Variants in NEK7 observed in about 807,000 individuals in gnomAD.
NEK7 encodes the protein NIMA related kinase 7, also known as serine/threonine-protein kinase Nek7.
In NEK7, 18 loss-of-function variants were observed where a neutral mutation model predicts 44.6. That is an observed-to-expected ratio of 0.40 (90% CI 0.28 to 0.60). The LOEUF (loss-of-function observed/expected upper bound fraction) is 0.60, where lower values mean the gene tolerates loss of function less well. Among genes scored for constraint, NEK7 ranks in the 20% least tolerant of loss-of-function variants. The probability of loss-of-function intolerance (pLI) is 0.38; values close to 1 mark genes in which losing one functional copy is unlikely to be tolerated. For missense variants in NEK7, 256 were observed against 366.5 expected (o/e 0.70, Z 2.46); for synonymous variants, 130 against 121.1 (o/e 1.07, Z -0.48).
At chr1:198,195,626 G>C (rs1378028615) in intron 1 of NEK7, among the ~76,000 whole-genome samples, 2 of 152,146 alleles carry the variant, frequency 1.3e-5, no homozygotes, top group Non-Finnish European at 2.9e-5. Flanking sequence ...TTCGAGACCA[G>C]CCTGGCCAAC....
chr1:198,218,814 C>G (rs1270691451), intron 1 of NEK7, among the ~76,000 whole-genome samples: 1 of 150,966 alleles, frequency 6.6e-6, no homozygotes, highest in South Asian at 2.1e-4. Flanking sequence ...AAATGCTCAA[C>G]ATCACTTATC....
rs768332299 is a variant in NEK7 at position 198,253,190 on chromosome 1, C to T, written c.198+10C>T. On this transcript the variant is annotated intron_variant, in intron 3 of 9. Coordinates refer to ENST00000367385, the MANE Select transcript of NEK7 (RefSeq NM_133494.3). ...TTTAAAAAAAGTGCAGGTAAGATGA[C>T]TTTAATTATATAAATCAATGTAAAA... is the stretch of plus-strand genomic sequence containing the variant. 3 of 1,557,964 alleles carry T rather than the reference C, an allele frequency of 1.9e-6. No homozygotes were observed. The highest frequency in any genetic ancestry group is 2.3e-5 in the South Asian group (2 of 86,738).
chr1:198,195,314 T>C (rs1007091900), intron 1 of NEK7, among the ~76,000 whole-genome samples: 2 of 152,168 alleles, frequency 1.3e-5, no homozygotes, highest in African/African-American at 2.4e-5. Context: ...TTTAAATGCA[T>C]TTGTGGAATC....
At chr1:198,179,815 A>G (rs201511442) in intron 1 of NEK7, among the ~76,000 whole-genome samples, 2 of 128,454 alleles carry the variant, frequency 1.6e-5, no homozygotes, top group Admixed American at 7.8e-5. Context: ...GTGTGTGTGT[A>G]TGTATGTGTG....
intron 9 of NEK7, among the ~76,000 whole-genome samples, chr1:198,300,407 C>T (rs1457995960): frequency 6.6e-6 from 1 of 152,218 alleles, no homozygotes; most frequent in Non-Finnish European, 1.5e-5. Flanking sequence ...CATAAATTTT[C>T]ATGCTTTTAT....
intron 2 of NEK7, 61 bp from the exon 3 acceptor site, chr1:198,252,979 G>T (rs1487637271): frequency 1.5e-6 from 2 of 1,372,588 alleles, no homozygotes; most frequent in Non-Finnish European, 2.0e-6. Context: ...AATGATCAGT[G>T]ATTGTGTGTA....
chr1:198,167,847 C>T (rs72749481), intron 1 of NEK7, among the ~76,000 whole-genome samples: 7,029 of 152,252 alleles, frequency 0.046, 258 homozygotes, highest in Middle Eastern at 0.071. Flanking sequence ...GTTCCTTTTT[C>T]CATGACTGTC....
chr1:198,250,360 C>A (rs1413429355), intron 2 of NEK7, among the ~76,000 whole-genome samples: 2 of 151,870 alleles, frequency 1.3e-5, no homozygotes, highest in African/African-American at 4.8e-5. Flanking sequence ...CTTGGCGATG[C>A]GGGCTCTTTT....
rs200866522 is a variant in NEK7 at position 198,280,603 on chromosome 1, T to TA, written c.589+1542_589+1543insA. 6.5e-3 allele frequency among the ~76,000 whole-genome samples: 990 copies of TA among 152,032 alleles called. 15 individuals carry two copies. Among genetic ancestry groups the TA allele is most frequent in the African/African-American group, 0.023 (964 of 41,510 alleles). ...ACATATATGCATCTCCAAATTGAGGTGATATGCTAGTAGAAATTATAGAGT... is the reference window on the plus strand; with the variant it reads ...ACATATATGCATCTCCAAATTGAGGTAGATATGCTAGTAGAAATTATAGAGT... On this transcript the variant is annotated intron_variant, in intron 7 of 9. Coordinates refer to ENST00000367385, the MANE Select transcript of NEK7 (RefSeq NM_133494.3).
intron 1 of NEK7, among the ~76,000 whole-genome samples, chr1:198,193,528 A>G (rs1665138784): frequency 6.6e-6 from 1 of 152,222 alleles, no homozygotes; most frequent in Admixed American, 6.5e-5. Context: ...TCAGGCCAAT[A>G]TGCCCGATGA....
chr1:198,295,980 A>G (rs1032597847), intron 8 of NEK7, among the ~76,000 whole-genome samples: 2 of 152,200 alleles, frequency 1.3e-5, no homozygotes, highest in African/African-American at 2.4e-5. Context: ...TATGTAAAAC[A>G]TAGGCAAGAT....
intron 1 of NEK7, among the ~76,000 whole-genome samples, chr1:198,176,031 A>T (rs1206591512): frequency 6.6e-6 from 1 of 152,138 alleles, no homozygotes; most frequent in Admixed American, 6.5e-5. Flanking sequence ...CACAGGGCGG[A>T]TATGTTGTCT....
In NEK7 at chr1:198,272,600, G is replaced by A. The variant is rs1023301991; in HGVS notation, c.373-5361G>A. ...TCTTTGTGACCTTCTATTTCTCCTC[G>A]AAGACTGACTGACTGTTCTTTTTAA... On this transcript the variant is annotated intron_variant, in intron 5 of 9. Transcript: ENST00000367385. Among the ~76,000 whole-genome samples the A allele has an allele frequency of 3.3e-5, 5 of 151,780 alleles. No individual in the cohort carries two copies. In the East Asian group the frequency reaches 5.8e-4, roughly 18 times the overall value.
chr1:198,192,150 A>G (rs1289298244), intron 1 of NEK7, among the ~76,000 whole-genome samples: 8 of 151,694 alleles, frequency 5.3e-5, no homozygotes, highest in Non-Finnish European at 1.5e-5. Context: ...TGTTTGTTTT[A>G]TCTTATGTTT....
At chr1:198,180,560 T>C (rs549205992) in intron 1 of NEK7, among the ~76,000 whole-genome samples, 190 of 152,210 alleles carry the variant, frequency 1.2e-3, no homozygotes, top group African/African-American at 4.5e-3. Context: ...TAATTTTTGT[T>C]GTTGTTATTT....
intron 1 of NEK7, among the ~76,000 whole-genome samples, chr1:198,157,745 G>A (rs1209201239): frequency 1.3e-5 from 2 of 152,198 alleles, no homozygotes; most frequent in Non-Finnish European, 2.9e-5. Context: ...GGGAGAGAGT[G>A]GGTGGTGGGA....
chr1:198,271,902 ATT>A (rs761936296), intron 5 of NEK7, among the ~76,000 whole-genome samples: 6 of 121,142 alleles, frequency 5.0e-5, no homozygotes, highest in African/African-American at 1.7e-4. Context: ...AAAAATTTAT[ATT>A]TTATATATAT....
intron 7 of NEK7, among the ~76,000 whole-genome samples, chr1:198,282,768 C>A (rs1654246039): frequency 6.6e-6 from 1 of 152,086 alleles, no homozygotes; most frequent in South Asian, 2.1e-4. Flanking sequence ...TTTATTTATT[C>A]TGCCTGAACT....
chr1:198,252,564 AT>A (rs1558079305), intron 2 of NEK7, among the ~76,000 whole-genome samples: 1 of 55,200 alleles, frequency 1.8e-5, no homozygotes, highest in Non-Finnish European at 2.9e-5. Context: ...ATATATATAT[AT>A]ATAAAAAGTA....
Sources: gnomAD v4.1 joint callset for allele counts (sites outside exome capture counted in the v4.1 genomes callset) on GRCh38, gnomAD v4.1.1 for gene constraint, MANE v1.5 for transcripts, NCBI Gene and HGNC (gene_info 2026-07-23, HGNC 2026-07-21) for gene names.